DISC1: variants seen among roughly 807,000 people sequenced by gnomAD.
DISC1 encodes the protein DISC1 scaffold protein, also known as disrupted in schizophrenia 1 protein.
Under a neutral mutation model 84.5 loss-of-function variants are expected in DISC1, and 57 were observed. That is an observed-to-expected ratio of 0.67 (90% CI 0.55 to 0.84). The LOEUF is 0.84. DISC1 is among the 40% of genes least tolerant of loss of function. The pLI is 0.00. For synonymous variants in DISC1, 411 were observed against 415.2 expected, an observed-to-expected ratio of 0.99 and a Z score of 0.12; for missense variants, 1,000 against 1,057.8, an observed-to-expected ratio of 0.95 and a Z score of 0.76.
chr1:231,915,187 T>C (rs964398372), intron 9 of DISC1, among the ~76,000 whole-genome samples: 2 of 152,198 alleles, frequency 1.3e-5, no homozygotes, highest in Non-Finnish European at 2.9e-5. Flanking sequence ...AGTTTTTTTT[T>C]CTCTCATATG....
intron 6 of DISC1, among the ~76,000 whole-genome samples, chr1:231,774,203 A>G (rs1413696057): frequency 6.6e-6 from 1 of 152,140 alleles, no homozygotes; most frequent in Non-Finnish European, 1.5e-5. Context: ...ACAGTGAACT[A>G]TGATTGTGCC....
chr1:231,686,184 C>G (rs1013312875), intron 1 of DISC1, among the ~76,000 whole-genome samples: 1 of 152,188 alleles, frequency 6.6e-6, no homozygotes, highest in Non-Finnish European at 1.5e-5. Flanking sequence ...ATCCTGGGGT[C>G]TGGAGGATGG....
At position 231,729,886 on chromosome 1, in the gene DISC1, C is replaced by A. The variant is rs144519000; in HGVS notation, c.1118-20040C>A. On this transcript the variant is annotated intron_variant, in intron 3 of 12. Coordinates refer to ENST00000439617, the MANE Select transcript of DISC1 (RefSeq NM_018662.3). Reference sequence around the variant, plus strand: ...ATTCCAGAAAGGGATGTACACATCACTGTGGTTTGAATTATATTTTAAAAA... The same window carrying A: ...ATTCCAGAAAGGGATGTACACATCAATGTGGTTTGAATTATATTTTAAAAA... 3.8e-3 allele frequency among the ~76,000 whole-genome samples: 573 copies of A among 152,218 alleles called. 4 individuals are homozygous for A. The highest frequency in any genetic ancestry group is 0.013 in the African/African-American group (547 of 41,542).
chr1:231,965,877 T>C (rs895906920), intron 10 of DISC1, among the ~76,000 whole-genome samples: 2 of 152,248 alleles, frequency 1.3e-5, no homozygotes, highest in African/African-American at 4.8e-5. Flanking sequence ...ATGGTACCCA[T>C]AGTGGTAGCC....
At chr1:231,654,321 TTTAAA>T (rs2060886337) in intron 1 of DISC1, among the ~76,000 whole-genome samples, 1 of 152,028 alleles carries the variant, frequency 6.6e-6, no homozygotes, top group Non-Finnish European at 1.5e-5. Context: ...CTGTTTTTTT[TTTAAA>T]TTAATTACTT....
rs943516373 is a variant in DISC1 at position 231,819,655 on chromosome 1, C to G, written c.1981+1138C>G. Among the ~76,000 whole-genome samples, 10 of 152,146 alleles carry G rather than the reference C, an allele frequency of 6.6e-5. No homozygotes were observed. In the East Asian group the frequency reaches 1.4e-3, roughly 21 times the overall value. ...CGTTTGAGGCTAAATAACTGTAGTA[C>G]TAGGGAATGACAACACGCTCACCCA... is the stretch of plus-strand genomic sequence containing the variant. On this transcript the variant is annotated intron_variant, in intron 9 of 12. Coordinates refer to ENST00000439617, the MANE Select transcript of DISC1 (RefSeq NM_018662.3).
chr1:231,877,031 C>T (rs199657023), intron 9 of DISC1, among the ~76,000 whole-genome samples: 15 of 152,130 alleles, frequency 9.9e-5, no homozygotes, highest in Non-Finnish European at 1.9e-4. Flanking sequence ...GGAGGGAGAG[C>T]GGAGAGCAGA....
intron 10 of DISC1, among the ~76,000 whole-genome samples, chr1:232,008,300 T>C (rs1667710995): frequency 6.6e-6 from 1 of 152,234 alleles, no homozygotes; most frequent in Admixed American, 6.5e-5. Context: ...CCATCATATT[T>C]TCCAGTTGGA....
At chr1:231,853,848 T>A (rs1462757326) in intron 9 of DISC1, among the ~76,000 whole-genome samples, 2 of 152,212 alleles carry the variant, frequency 1.3e-5, no homozygotes, top group African/African-American at 4.8e-5. Flanking sequence ...CCAGTGCCTG[T>A]ATCCCTGAAT....
chr1:231,632,390 G>C (rs963943890), intron 1 of DISC1, among the ~76,000 whole-genome samples: 2 of 152,170 alleles, frequency 1.3e-5, no homozygotes, highest in African/African-American at 4.8e-5. Flanking sequence ...TACCTGTTAA[G>C]CCACAACATT....
rs548995912 is a variant in DISC1, at chr1:231,971,066, G to A, written c.2042+12178G>A. On this transcript the variant is annotated intron_variant, in intron 10 of 12. Coordinates refer to ENST00000439617, the MANE Select transcript of DISC1 (RefSeq NM_018662.3). ...ACAGTGTGCACATTTCATGGCACCT[G>A]TTACAGTTTTAAAAAGACAGTTTAA... 5.9e-5 allele frequency among the ~76,000 whole-genome samples: 9 copies of A among 152,324 alleles called. No homozygotes were observed. The South Asian group carries it at 1.7e-3, about 28-fold the overall frequency.
intron 9 of DISC1, chr1:231,944,099 A>G (rs557842765): frequency 3.9e-5 from 6 of 152,218 alleles, no homozygotes; most frequent in Non-Finnish European, 8.8e-5. Flanking sequence ...CTTGGACTCT[A>G]TATCAGAAAG....
Position 231,773,534 on chromosome 1 carries a change from G to A in DISC1, c.1634+2464G>A, listed in dbSNP as rs546354669. On this transcript the variant is annotated intron_variant, in intron 6 of 12. Coordinates refer to ENST00000439617, the MANE Select transcript of DISC1 (RefSeq NM_018662.3). ...TGAGTAGCTGGGACTACAGGCTTGT[G>A]CCAGCACACCCAGCTAATTTTTTGT... Among the ~76,000 whole-genome samples, 6 of 152,158 alleles carry A rather than the reference G, an allele frequency of 3.9e-5. No homozygotes were observed. The South Asian group carries it at 1.0e-3, about 26-fold the overall frequency.
chr1:231,934,022 A>G (rs1369181185), intron 9 of DISC1, among the ~76,000 whole-genome samples: 5 of 152,166 alleles, frequency 3.3e-5, no homozygotes, highest in Admixed American at 2.6e-4. Context: ...CCGAGAAGCC[A>G]ATATTCACTC....
intron 9 of DISC1, among the ~76,000 whole-genome samples, chr1:231,835,581 G>A (rs796073492): frequency 6.6e-6 from 1 of 152,174 alleles, no homozygotes; most frequent in East Asian, 1.9e-4. Context: ...GCAGGAACTG[G>A]CCATCTGGAT....
intron 9 of DISC1, among the ~76,000 whole-genome samples, chr1:231,937,503 A>T (rs1033039798): frequency 2.0e-5 from 3 of 152,262 alleles, no homozygotes; most frequent in Admixed American, 6.5e-5. Flanking sequence ...GAGGGACAGC[A>T]TGCATGTGGG....
intron 11 of DISC1, among the ~76,000 whole-genome samples, chr1:232,023,007 A>G (rs200168783): frequency 6.6e-6 from 1 of 151,920 alleles, no homozygotes; most frequent in African/African-American, 2.4e-5. Flanking sequence ...CTTATGCTAC[A>G]TTGTTTGTTT....
intron 2 of DISC1, among the ~76,000 whole-genome samples, chr1:231,696,490 G>A (rs2065723134): frequency 6.6e-6 from 1 of 152,156 alleles, no homozygotes; most frequent in Admixed American, 6.5e-5. Flanking sequence ...GTAGAATCTG[G>A]ACACACTTTT....
chr1:231,841,632 T>C (rs201115155), intron 9 of DISC1, among the ~76,000 whole-genome samples: 31 of 152,224 alleles, frequency 2.0e-4, no homozygotes, highest in Non-Finnish European at 3.2e-4. Flanking sequence ...TAAGTTAAAT[T>C]TGGCTTCTTT....
Sources: gnomAD v4.1 joint callset for allele counts (sites outside exome capture counted in the v4.1 genomes callset) on GRCh38, gnomAD v4.1.1 for gene constraint, MANE v1.5 for transcripts, NCBI Gene and HGNC (gene_info 2026-07-23, HGNC 2026-07-21) for gene names.